The following SPTLC3 variants were observed in gnomAD, a reference collection of about 807,000 sequenced individuals.
The protein encoded by SPTLC3 is serine palmitoyltransferase 3.
In SPTLC3, 36 loss-of-function variants were observed where a neutral mutation model predicts 59.3. The observed-to-expected ratio is 0.61, with a 90% CI of 0.47 to 0.80. The LOEUF is 0.80. SPTLC3 is among the 30% of genes least tolerant of loss of function. The pLI, the probability that SPTLC3 is intolerant of heterozygous loss-of-function variation, is 0.00. For synonymous variants in SPTLC3, 257 were observed against 240.8 expected (o/e 1.07, Z -0.62); for missense variants, 625 against 685.1 (o/e 0.91, Z 0.98).
chr20:13,049,241 T>G, intron 2 of SPTLC3, 111 bp downstream of exon 2: 1 of 1,203,802 alleles, frequency 8.3e-7, no homozygotes, highest in Non-Finnish European at 1.2e-6. Flanking sequence ...GCTCAGGAAC[T>G]ATTCAGGGCA....
chr20:13,058,726 C>T (rs1199504728), intron 2 of SPTLC3, among the ~76,000 whole-genome samples: 1 of 152,168 alleles, frequency 6.6e-6, no homozygotes, highest in East Asian at 1.9e-4. Context: ...GCAGATTCTG[C>T]TTCAATGGTT....
At chr20:13,062,095 C>T (rs1351284779) in intron 2 of SPTLC3, among the ~76,000 whole-genome samples, 1 of 152,150 alleles carries the variant, frequency 6.6e-6, no homozygotes, top group Non-Finnish European at 1.5e-5. Context: ...CTTACATAGC[C>T]CTCTGCCTGG....
At chr20:13,087,066 G>T (rs559263349) in intron 4 of SPTLC3, among the ~76,000 whole-genome samples, 2 of 152,270 alleles carry the variant, frequency 1.3e-5, no homozygotes, top group South Asian at 4.1e-4. Context: ...AAAGTGCTGG[G>T]ATTATAGGCA....
intron 1 of SPTLC3, among the ~76,000 whole-genome samples, chr20:13,017,031 C>T (rs1354952150): frequency 1.3e-5 from 2 of 152,128 alleles, no homozygotes; most frequent in Non-Finnish European, 1.5e-5. Flanking sequence ...AACCTAAGTT[C>T]TTATCCTTTA....
rs758917284 is a variant in SPTLC3 at position 13,164,846 on chromosome 20, G to A, written c.1638G>A (p.Thr546=). The A allele has an allele frequency of 2.4e-5, 39 of 1,613,246 alleles. No individual in the cohort carries two copies. The highest frequency in any genetic ancestry group is 1.6e-4 in the Middle Eastern group (1 of 6,080). The part of the protein sequence containing the change: ...KSARPELYDE[T]SFELED ...CACGTCCTGAGCTCTATGATGAGAC[G>A]AGCTTTGAACTCGAAGATTAAGTTT... The change falls in exon 12 of 12, where the codon ACG becomes ACA. Residue 546 remains threonine, a synonymous_variant. Transcript: ENST00000399002.
intron 9 of SPTLC3, among the ~76,000 whole-genome samples, chr20:13,128,368 A>G (rs578160567): frequency 6.6e-6 from 1 of 151,558 alleles, no homozygotes; most frequent in East Asian, 2.0e-4. Flanking sequence ...GTGGCTTAAC[A>G]GAACCAAGGT....
intron 1 of SPTLC3, among the ~76,000 whole-genome samples, chr20:13,020,005 A>T (rs1302377036): frequency 6.6e-6 from 1 of 152,240 alleles, no homozygotes; most frequent in Non-Finnish European, 1.5e-5. Context: ...TGACTTCCTC[A>T]GATCCCCAGA....
chr20:13,154,323 G>A (rs2038717392), intron 10 of SPTLC3, among the ~76,000 whole-genome samples, 185 bp downstream of exon 10: 1 of 152,012 alleles, frequency 6.6e-6, no homozygotes. Flanking sequence ...TTATAGAAAG[G>A]GAACCAAAGG....
chr20:13,021,010 CA>C (rs1326092350), intron 1 of SPTLC3, among the ~76,000 whole-genome samples: 5 of 152,152 alleles, frequency 3.3e-5, no homozygotes, highest in Non-Finnish European at 7.4e-5. Context: ...CGATGCCCAG[CA>C]TATAGTAGAT....
At chr20:13,091,359 G>A in intron 5 of SPTLC3, 152 bp downstream of exon 5, 1 of 904,560 alleles carries the variant, frequency 1.1e-6, no homozygotes, top group Non-Finnish European at 1.6e-6. Context: ...CGGATCACGA[G>A]GTCAAGAGAC....
chr20:13,048,208 C>T (rs2019800), intron 1 of SPTLC3, among the ~76,000 whole-genome samples: 149,652 of 152,268 alleles, frequency 0.98, 73,581 homozygotes, highest in Middle Eastern at 1. Context: ...CCTACAAATA[C>T]ATATGGTCCA....
intron 1 of SPTLC3, among the ~76,000 whole-genome samples, chr20:13,044,096 T>C (rs1164191786): frequency 9.3e-6 from 1 of 107,804 alleles, no homozygotes; most frequent in Non-Finnish European, 2.1e-5. Flanking sequence ...GTCTTGTTTC[T>C]TTTTTTTCTT....
intron 2 of SPTLC3, among the ~76,000 whole-genome samples, chr20:13,059,711 C>G (rs1387897107): frequency 6.6e-6 from 1 of 152,160 alleles, no homozygotes; most frequent in Non-Finnish European, 1.5e-5. Flanking sequence ...TTTCTGTCTC[C>G]GGTACTGCCT....
At chr20:13,055,709 A>T (rs967099003) in intron 2 of SPTLC3, among the ~76,000 whole-genome samples, 5 of 152,180 alleles carry the variant, frequency 3.3e-5, no homozygotes, top group African/African-American at 7.2e-5. Flanking sequence ...TGTTTCCTAG[A>T]AAGCCTACTC....
Position 13,091,223 on chromosome 20 carries a change from C to G in SPTLC3, c.732+16C>G, listed in dbSNP as rs243874. On this transcript the variant is annotated intron_variant, in intron 5 of 11. Transcript: ENST00000399002. The stretch of plus-strand genomic sequence containing the variant: ...AGTTGGAAAGGTGAGAATTGTTAAC[C>G]TAATTGTCTTCTACTGTATTACTCC... 2.2e-5 allele frequency: 35 copies of G among 1,611,344 alleles called. No individual in the cohort carries two copies. Among genetic ancestry groups the G allele is most frequent in the Non-Finnish European group, 2.9e-5 (34 of 1,178,348 alleles).
intron 9 of SPTLC3, among the ~76,000 whole-genome samples, chr20:13,145,443 T>G (rs994024738): frequency 2.0e-5 from 3 of 152,010 alleles, no homozygotes; most frequent in African/African-American, 7.2e-5. Flanking sequence ...AGGTGAAAGA[T>G]CTCTACAATG....
At chr20:13,017,718 AAGATTGGACACTCCTGCAGC>A (rs1985605225) in intron 1 of SPTLC3, among the ~76,000 whole-genome samples, 1 of 152,164 alleles carries the variant, frequency 6.6e-6, no homozygotes, top group South Asian at 2.1e-4. Context: ...GGAAAGCCAA[AAGATTGGACACTCCTGCAGC>A]AGATGAAAGA....
Position 13,076,880 on chromosome 20 carries a change from C to T in SPTLC3, c.607+2383C>T, listed in dbSNP as rs73257248. ...AGGAAGAGCCCAGGAGGCAGGTTCCCGGAGGAAGATTGTTTGCAAAACCTG... is the reference window on the plus strand; with the variant it reads ...AGGAAGAGCCCAGGAGGCAGGTTCCTGGAGGAAGATTGTTTGCAAAACCTG... On this transcript the variant is annotated intron_variant, in intron 4 of 11. Transcript: ENST00000399002. 2.8e-3 allele frequency among the ~76,000 whole-genome samples: 427 copies of T among 152,048 alleles called. 1 individual carries two copies. Among genetic ancestry groups the T allele is most frequent in the African/African-American group, 9.7e-3 (403 of 41,472 alleles).
chr20:13,167,131 A>G lies in SPTLC3; in HGVS notation c.*2264A>G, dbSNP rs2038993997. 6.6e-6 allele frequency: 1 copy of G among 152,232 alleles called. No homozygotes were observed. Among genetic ancestry groups the G allele is most frequent in the East Asian group, 1.9e-4 (1 of 5,202 alleles). 9.4% of individuals were successfully genotyped at this position (152,232 alleles called of 1,614,324 possible). ...GAAGGTGCCCAAGCTCCACAGGGCC[A>G]ATAATATTAGAGTATATGTCATATA... On this transcript the variant is annotated 3_prime_UTR_variant, in exon 12 of 12. Transcript: ENST00000399002.
Sources: gnomAD v4.1 joint callset for allele counts (sites outside exome capture counted in the v4.1 genomes callset) on GRCh38, gnomAD v4.1.1 for gene constraint, MANE v1.5 for transcripts, NCBI Gene and HGNC (gene_info 2026-07-23, HGNC 2026-07-21) for gene names.